The following CPPED1 variants were observed in gnomAD, a reference collection of about 807,000 sequenced individuals.
The protein encoded by CPPED1 is serine/threonine-protein phosphatase CPPED1.
A neutral mutation model predicts 28.0 loss-of-function variants in CPPED1; 28 were observed. The observed-to-expected ratio is 1.00, with a 90% CI of 0.74 to 1.37. The LOEUF (loss-of-function observed/expected upper bound fraction) is 1.37, where lower values mean the gene tolerates loss of function less well. Ranked by LOEUF, CPPED1 falls within the 40% of genes most tolerant of loss-of-function variation. CPPED1 has a pLI of 0.00. For synonymous variants in CPPED1, 198 were observed against 180.2 expected (o/e 1.10, Z -0.79); for missense variants, 504 against 416.5 (o/e 1.21, Z -1.83).
chr16:12,733,309 C>T (rs2080209134), intron 2 of CPPED1, among the ~76,000 whole-genome samples: 1 of 140,842 alleles, frequency 7.1e-6, no homozygotes, highest in Non-Finnish European at 1.5e-5. Flanking sequence ...GAGTCTTGTA[C>T]TGTCACCCAG....
intron 2 of CPPED1, among the ~76,000 whole-genome samples, chr16:12,729,208 T>C (rs964508181): frequency 1.3e-5 from 2 of 152,096 alleles, no homozygotes; most frequent in African/African-American, 2.4e-5. Flanking sequence ...AGTTCAGCTG[T>C]GCCTCCTAGC....
At chr16:12,803,565 G>A in intron 1 of CPPED1, 142 bp downstream of exon 1, 1 of 664,932 alleles carries the variant, frequency 1.5e-6, no homozygotes, top group South Asian at 2.6e-5. Flanking sequence ...AGCAGGCTTT[G>A]ATGCAGCTAT....
rs1028848228 is a variant in CPPED1, at chr16:12,706,183, G to T, written c.290-1134C>A. Among the ~76,000 whole-genome samples, 5 of 151,808 alleles carry T rather than the reference G, an allele frequency of 3.3e-5. No individual in the cohort carries two copies. In the East Asian group the frequency reaches 9.8e-4, roughly 30 times the overall value. Reference sequence around the variant, plus strand: ...AATATATAGTAAGTTAATAATATAAGGCACAGAGGAATAAAATCACACACA... The same window carrying T: ...AATATATAGTAAGTTAATAATATAATGCACAGAGGAATAAAATCACACACA... On this transcript the variant is annotated intron_variant, in intron 2 of 3. Coordinates refer to ENST00000381774, the MANE Select transcript of CPPED1 (RefSeq NM_018340.3).
chr16:12,768,867 CTTTTTTT>C (rs35322378), intron 2 of CPPED1, among the ~76,000 whole-genome samples: 2 of 138,042 alleles, frequency 1.4e-5, no homozygotes, highest in Non-Finnish European at 3.1e-5. Flanking sequence ...TTTTCTTTTT[CTTTTTTT>C]TTTTTTTTGA....
chr16:12,785,110 C>T (rs192267926), intron 1 of CPPED1, among the ~76,000 whole-genome samples: 11 of 152,238 alleles, frequency 7.2e-5, no homozygotes, highest in Non-Finnish European at 7.4e-5. Flanking sequence ...TTGGTCTCAT[C>T]GTAATTTCTT....
rs2079796695 is a variant in CPPED1, at chr16:12,661,863, T to G, written c.*3023A>C. On this transcript the variant is annotated 3_prime_UTR_variant, in exon 4 of 4. Coordinates refer to ENST00000381774, the MANE Select transcript of CPPED1 (RefSeq NM_018340.3). ...GGTGCAATCAGGGTCTGGTCTAGGC[T>G]TTGCAGAGCTGGGAGGAAATCCCTG... The G allele has an allele frequency of 6.6e-6, 1 of 152,380 alleles. No homozygotes were observed. The highest frequency in any genetic ancestry group is 1.5e-5 in the Non-Finnish European group (1 of 68,138). 9.4% of individuals were successfully genotyped at this position (152,380 alleles called of 1,614,324 possible). A position where few individuals can be genotyped will look rare whatever the true frequency, so the allele number is the denominator to read the frequency against.
intron 1 of CPPED1, among the ~76,000 whole-genome samples, chr16:12,790,900 T>C (rs183557205): frequency 4.1e-5 from 5 of 121,516 alleles, no homozygotes; most frequent in Non-Finnish European, 6.3e-5. Context: ...AGCCTGGTGA[T>C]AGAGCAAGAC....
At chr16:12,684,638 G>A (rs144097022) in intron 3 of CPPED1, among the ~76,000 whole-genome samples, 4 of 152,300 alleles carry the variant, frequency 2.6e-5, no homozygotes, top group African/African-American at 9.6e-5. Flanking sequence ...AAGGTGCACA[G>A]GGCTGCTTCT....
chr16:12,786,008 G>C (rs570720473), intron 1 of CPPED1, among the ~76,000 whole-genome samples: 1 of 151,728 alleles, frequency 6.6e-6, no homozygotes, highest in African/African-American at 2.4e-5. Context: ...TTAAATATGA[G>C]ATTACTCGGT....
At chr16:12,723,402 C>T (rs2080152686) in intron 2 of CPPED1, among the ~76,000 whole-genome samples, 1 of 152,140 alleles carries the variant, frequency 6.6e-6, no homozygotes, top group African/African-American at 2.4e-5. Flanking sequence ...GGGTCTCCAA[C>T]AAGGTAAGTA....
chr16:12,758,621 T>C (rs2080387988), intron 2 of CPPED1, among the ~76,000 whole-genome samples: 1 of 152,188 alleles, frequency 6.6e-6, no homozygotes, highest in South Asian at 2.1e-4. Context: ...ATGTCTTCAC[T>C]TTCTGACTTT....
chr16:12,765,530 G>C (rs1410998255), intron 2 of CPPED1, among the ~76,000 whole-genome samples: 1 of 152,148 alleles, frequency 6.6e-6, no homozygotes, highest in East Asian at 1.9e-4. Context: ...ATTAAGAAAG[G>C]TATATTATCC....
chr16:12,666,132 AAAT>A (rs2079824669), intron 3 of CPPED1, among the ~76,000 whole-genome samples: 1 of 152,110 alleles, frequency 6.6e-6, no homozygotes, highest in Admixed American at 6.6e-5. Context: ...AAATAAATAA[AAAT>A]AATGTTTATG....
chr16:12,712,459 T>G (rs1350248416), intron 2 of CPPED1, among the ~76,000 whole-genome samples: 1 of 152,220 alleles, frequency 6.6e-6, no homozygotes, highest in African/African-American at 2.4e-5. Flanking sequence ...TCAGCCTTTA[T>G]CCTACAGACA....
intron 3 of CPPED1, among the ~76,000 whole-genome samples, chr16:12,680,367 G>A (rs1325149463): frequency 6.6e-6 from 1 of 151,952 alleles, no homozygotes; most frequent in Non-Finnish European, 1.5e-5. Flanking sequence ...TGAACCTTCA[G>A]AAGGTGGAAC....
intron 2 of CPPED1, among the ~76,000 whole-genome samples, chr16:12,727,867 A>G (rs2080177799): frequency 6.6e-6 from 1 of 152,198 alleles, no homozygotes; most frequent in South Asian, 2.1e-4. Flanking sequence ...TTATTCTCCT[A>G]CAGTCATCTT....
intron 1 of CPPED1, among the ~76,000 whole-genome samples, chr16:12,795,720 G>T (rs969288813): frequency 1.3e-5 from 2 of 152,220 alleles, no homozygotes; most frequent in Middle Eastern, 3.2e-3. Context: ...AGAGCAGTGG[G>T]TTGGACAGAT....
At chr16:12,685,869 A>T (rs2079930079) in intron 3 of CPPED1, among the ~76,000 whole-genome samples, 1 of 152,212 alleles carries the variant, frequency 6.6e-6, no homozygotes. Context: ...TGTTTCTTTT[A>T]AAAAGTCCCC....
chr16:12,749,303 C>G (rs1007130923), intron 2 of CPPED1, among the ~76,000 whole-genome samples: 1 of 152,168 alleles, frequency 6.6e-6, no homozygotes, highest in South Asian at 2.1e-4. Flanking sequence ...CAGCAATGTT[C>G]GCAGCATCTT....
Sources: gnomAD v4.1 joint callset for allele counts (sites outside exome capture counted in the v4.1 genomes callset) on GRCh38, gnomAD v4.1.1 for gene constraint, MANE v1.5 for transcripts, NCBI Gene and HGNC (gene_info 2026-07-23, HGNC 2026-07-21) for gene names.